Variants in AFF2 observed in about 807,000 individuals in gnomAD.
AFF2 encodes ALF transcription elongation factor 2.
In AFF2, 14 loss-of-function variants were observed where a neutral mutation model predicts 76.9. The observed-to-expected ratio is 0.18, with a 90% CI of 0.12 to 0.28. AFF2 has a LOEUF of 0.28. Among genes scored for constraint, AFF2 ranks in the 10% least tolerant of loss-of-function variants. AFF2 has a pLI of 1.00. For synonymous variants in AFF2, 398 were observed against 366.7 expected, an observed-to-expected ratio of 1.09 and a Z score of -0.98; for missense variants, 868 against 1,001.1, an observed-to-expected ratio of 0.87 and a Z score of 1.79.
At chrX:148,810,957 C>T (rs2070195120) in intron 4 of AFF2, among the ~76,000 whole-genome samples, 1 of 111,361 alleles carries the variant, frequency 9.0e-6, no homozygotes, top group African/African-American at 3.3e-5. Context: ...GCAAATGCAG[C>T]CAAAGGAATA....
intron 3 of AFF2, among the ~76,000 whole-genome samples, chrX:148,681,364 A>T (rs187517008): frequency 0.013 from 1,449 of 111,183 alleles, 13 homozygotes; most frequent in Middle Eastern, 0.028. Flanking sequence ...ATCCTTTCTT[A>T]CCAATTAACA....
intron 7 of AFF2, among the ~76,000 whole-genome samples, chrX:148,870,579 T>G (rs1557277254): frequency 8.9e-6 from 1 of 111,969 alleles, no homozygotes. Context: ...TTCCACATTT[T>G]CTTTCCACTA....
chrX:148,983,372 C>T (rs782674058), intron 19 of AFF2, among the ~76,000 whole-genome samples: 15 of 111,494 alleles, frequency 1.3e-4, no homozygotes, highest in Non-Finnish European at 2.3e-4. Context: ...GCCCTCAGGA[C>T]GGAGCTGAAC....
At chrX:148,571,790 A>G (rs782335727) in intron 1 of AFF2, among the ~76,000 whole-genome samples, 21 of 111,641 alleles carry the variant, frequency 1.9e-4, no homozygotes, top group East Asian at 1.7e-3. Flanking sequence ...TTATGGCCCA[A>G]TCTAACTAAG....
chrX:148,861,646 T>G (rs1477677746), intron 7 of AFF2, among the ~76,000 whole-genome samples: 1 of 111,028 alleles, frequency 9.0e-6, no homozygotes, highest in Non-Finnish European at 1.9e-5. Flanking sequence ...GTGGAATAAT[T>G]TGGGCCTCTC....
chrX:148,872,739 T>C (rs1397680521), intron 7 of AFF2, among the ~76,000 whole-genome samples: 2 of 111,815 alleles, frequency 1.8e-5, no homozygotes, highest in Admixed American at 9.5e-5. Context: ...GATGCCAGTA[T>C]GGTTGGGTTC....
At chrX:148,551,909 G>A (rs1280127466) in intron 1 of AFF2, among the ~76,000 whole-genome samples, 1 of 112,615 alleles carries the variant, frequency 8.9e-6, no homozygotes, top group Non-Finnish European at 1.9e-5. Flanking sequence ...TGGAGACTGA[G>A]TAACTAAAAT....
chrX:148,795,765 T>C (rs782193054), intron 3 of AFF2, among the ~76,000 whole-genome samples: 75 of 72,879 alleles, frequency 1.0e-3, no homozygotes, highest in African/African-American at 3.3e-3. Flanking sequence ...ATCCCGCCAT[T>C]GCACTCCAAC....
intron 4 of AFF2, among the ~76,000 whole-genome samples, chrX:148,823,538 T>C (rs1236445120): frequency 1.8e-5 from 2 of 112,309 alleles, no homozygotes; most frequent in Admixed American, 9.4e-5. Context: ...AGTATTTCCA[T>C]CACTGTAGAA....
rs1418225442 is a variant in AFF2, at chrX:148,996,846, G to T, written c.*5514G>T. The T allele has an allele frequency of 2.7e-5, 3 of 111,955 alleles. No individual in the cohort carries two copies. The highest frequency in any genetic ancestry group is 9.8e-5 in the African/African-American group (3 of 30,686). The allele number at this position is 111,955 out of a possible 1,213,427, so 9.2% of individuals were successfully genotyped here. On this transcript the variant is annotated 3_prime_UTR_variant, in exon 21 of 21. Coordinates refer to ENST00000370460, the MANE Select transcript of AFF2 (RefSeq NM_002025.4). ...ACCCTCACGATTGATTTTTTAAAAA[G>T]ATAAGTGAGTGTTTTTTATTTTATT...
At chrX:148,825,944 C>T (rs937731353) in intron 4 of AFF2, among the ~76,000 whole-genome samples, 2 of 109,041 alleles carry the variant, frequency 1.8e-5, no homozygotes, top group Admixed American at 9.9e-5. Context: ...CCTGAGAGAT[C>T]CAGGTTTGTG....
At chrX:148,710,057 G>GA (rs2124527766) in intron 3 of AFF2, among the ~76,000 whole-genome samples, 1 of 111,611 alleles carries the variant, frequency 9.0e-6, no homozygotes, top group East Asian at 2.8e-4. Flanking sequence ...ATTTAAACTG[G>GA]AAAAATCCCT....
At chrX:148,964,212 C>G (rs1181982508) in intron 13 of AFF2, among the ~76,000 whole-genome samples, 10 of 111,960 alleles carry the variant, frequency 8.9e-5, no homozygotes, top group Non-Finnish European at 1.9e-4. Flanking sequence ...AAAGAACTCT[C>G]AGTCTAAAGT....
At chrX:148,658,542 A>G (rs956325695) in intron 2 of AFF2, among the ~76,000 whole-genome samples, 6 of 112,320 alleles carry the variant, frequency 5.3e-5, no homozygotes, top group Non-Finnish European at 1.1e-4. Context: ...GTTAGTCATC[A>G]TAAGAAAAAG....
chrX:148,867,742 C>T (rs2070924656), intron 7 of AFF2, among the ~76,000 whole-genome samples: 1 of 111,613 alleles, frequency 9.0e-6, no homozygotes, highest in Non-Finnish European at 1.9e-5. Context: ...CCTGTCCATA[C>T]TTGCATGTGC....
chrX:148,982,613 C>G (rs1391008559), intron 19 of AFF2, among the ~76,000 whole-genome samples: 1 of 112,201 alleles, frequency 8.9e-6, no homozygotes, highest in Non-Finnish European at 1.9e-5. Flanking sequence ...TCAAACCCTC[C>G]TAGGCTGGCT....
chrX:148,987,606 A>G (rs782484814), intron 20 of AFF2, 49 bp downstream of exon 20: 4 of 1,077,936 alleles, frequency 3.7e-6, no homozygotes, highest in Non-Finnish European at 5.1e-6. Context: ...TGATGGAGTT[A>G]ACTTCACTTT....
chrX:148,807,509 C>G (rs2070151627), intron 3 of AFF2, among the ~76,000 whole-genome samples: 1 of 111,937 alleles, frequency 8.9e-6, no homozygotes, highest in Admixed American at 9.5e-5. Context: ...GTCCTGTTCC[C>G]AAGTGGTAGG....
At chrX:148,563,462 G>A (rs1422353392) in intron 1 of AFF2, among the ~76,000 whole-genome samples, 1 of 111,410 alleles carries the variant, frequency 9.0e-6, no homozygotes, top group Non-Finnish European at 1.9e-5. Flanking sequence ...GAGGTTGGAG[G>A]TGGAGTCCAC....
Sources: allele counts gnomAD v4.1 joint callset (sites outside exome capture counted in the v4.1 genomes callset), GRCh38; gene constraint gnomAD v4.1.1; transcripts MANE v1.5; gene names NCBI Gene and HGNC (gene_info 2026-07-23, HGNC 2026-07-21).